The following DMD variants were observed in gnomAD, a reference collection of about 807,000 sequenced individuals.
DMD encodes the protein mutant dystrophin.
In DMD, 63 loss-of-function variants were observed where a neutral mutation model predicts 330.1. The ratio of observed to expected loss-of-function variants is 0.19; its 90% CI spans 0.16 to 0.24. The LOEUF (loss-of-function observed/expected upper bound fraction) is 0.24. Ranked by LOEUF, DMD falls within the 10% of genes least tolerant of loss-of-function variation. The probability of loss-of-function intolerance (pLI) is 1.00; values close to 1 mark genes in which losing one functional copy is unlikely to be tolerated. For synonymous variants in DMD, 1,223 were observed against 959.8 expected (o/e 1.27, Z -5.07); for missense variants, 3,344 against 2,684.1 (o/e 1.25, Z -5.43).
Position 32,362,970 on chromosome X carries a change from G to A in DMD, c.5155-12C>T, listed in dbSNP as rs377134035. The A allele has an allele frequency of 4.2e-6, 5 of 1,199,335 alleles. No homozygotes were observed. The African/African-American group carries it at 5.3e-5, about 13-fold the overall frequency. On this transcript the variant is annotated splice_polypyrimidine_tract_variant and intron_variant, in intron 36 of 78. Transcript: ENST00000357033. Reference sequence around the variant, plus strand: ...TCTGCCTTTAAACGCTATATTCCATGAGCAAGAGATAGGACTTGAAGTTAG... The same window carrying A: ...TCTGCCTTTAAACGCTATATTCCATAAGCAAGAGATAGGACTTGAAGTTAG...
At chrX:32,457,701 A>C (rs1253838266) in intron 25 of DMD, among the ~76,000 whole-genome samples, 1 of 54,027 alleles carries the variant, frequency 1.9e-5, no homozygotes, top group East Asian at 1.1e-3. Flanking sequence ...GTAAAACAAG[A>C]AGCTAGTTTT....
intron 2 of DMD, among the ~76,000 whole-genome samples, chrX:32,932,951 T>G (rs768887230): frequency 1.8e-5 from 2 of 111,810 alleles, no homozygotes; most frequent in South Asian, 7.5e-4. Context: ...TTTTTTCAGA[T>G]GTAGCCTCCT....
At chrX:32,685,166 G>A (rs1156565469) in intron 9 of DMD, among the ~76,000 whole-genome samples, 1 of 111,131 alleles carries the variant, frequency 9.0e-6, no homozygotes, top group African/African-American at 3.3e-5. Context: ...ACTTGTTCCT[G>A]AACTATTTGA....
chrX:32,749,453 G>A (rs1416955535), intron 7 of DMD, among the ~76,000 whole-genome samples: 1 of 111,948 alleles, frequency 8.9e-6, no homozygotes, highest in Non-Finnish European at 1.9e-5. Flanking sequence ...GTACAATAAT[G>A]ATATTATCCA....
At chrX:32,142,929 A>G (rs1234414111) in intron 44 of DMD, among the ~76,000 whole-genome samples, 2 of 111,797 alleles carry the variant, frequency 1.8e-5, no homozygotes, top group African/African-American at 6.5e-5. Context: ...ATTTTATCTG[A>G]ATTCCACAAA....
At chrX:32,536,413 G>C (rs1458724030) in intron 17 of DMD, among the ~76,000 whole-genome samples, 1 of 111,425 alleles carries the variant, frequency 9.0e-6, no homozygotes, top group Non-Finnish European at 1.9e-5. Flanking sequence ...ATCTTAGGCA[G>C]AGAAAACAGT....
At chrX:32,771,698 C>T (rs1030152340) in intron 7 of DMD, among the ~76,000 whole-genome samples, 5 of 111,382 alleles carry the variant, frequency 4.5e-5, no homozygotes, top group African/African-American at 9.8e-5. Flanking sequence ...CCAAAATATA[C>T]GAGTTTCTGT....
intron 50 of DMD, among the ~76,000 whole-genome samples, chrX:31,783,531 T>C (rs1057175134): frequency 1.8e-5 from 2 of 111,507 alleles, no homozygotes; most frequent in East Asian, 5.6e-4. Flanking sequence ...GAATCATCTT[T>C]TCCTTCCTCA....
At chrX:32,891,304 G>A (rs1477354384) in intron 2 of DMD, among the ~76,000 whole-genome samples, 1 of 111,698 alleles carries the variant, frequency 9.0e-6, no homozygotes, top group African/African-American at 3.3e-5. Context: ...CATATACAGA[G>A]GGCAGGTGAG....
At chrX:32,701,485 A>G (rs1230211702) in intron 7 of DMD, among the ~76,000 whole-genome samples, 1 of 111,638 alleles carries the variant, frequency 9.0e-6, no homozygotes, top group East Asian at 2.8e-4. Flanking sequence ...AAGCCTAGAA[A>G]TCTCCAATTC....
At chrX:33,329,404 T>C (rs1270545652) in intron 1 of DMD, among the ~76,000 whole-genome samples, 1 of 112,326 alleles carries the variant, frequency 8.9e-6, no homozygotes, top group Admixed American at 9.5e-5. Flanking sequence ...CTAATAATTC[T>C]ACTTCTTGGC....
At chrX:31,336,922 C>T (rs1382964019) in intron 61 of DMD, among the ~76,000 whole-genome samples, 2 of 95,332 alleles carry the variant, frequency 2.1e-5, no homozygotes, top group African/African-American at 7.6e-5. Flanking sequence ...TCTTTTCTTT[C>T]TTTCTTTTTT....
intron 11 of DMD, among the ~76,000 whole-genome samples, chrX:32,616,578 C>T (rs1201185031): frequency 9.2e-6 from 1 of 109,243 alleles, no homozygotes; most frequent in East Asian, 2.9e-4. Context: ...AGAGCGAGAC[C>T]GTGGAGTTTA....
intron 44 of DMD, among the ~76,000 whole-genome samples, chrX:32,034,286 A>C (rs932619560): frequency 1.8e-5 from 2 of 112,205 alleles, no homozygotes; most frequent in Non-Finnish European, 3.8e-5. Flanking sequence ...GAAACACTTC[A>C]AACAACAAAT....
intron 1 of DMD, among the ~76,000 whole-genome samples, chrX:33,045,580 C>CCAAGAGA (rs1056543070): frequency 2.7e-5 from 3 of 110,220 alleles, no homozygotes; most frequent in Non-Finnish European, 5.7e-5. Flanking sequence ...TAGGTGCCTA[C>CCAAGAGA]CAAGAGAAGA....
At chrX:32,755,316 GA>G (rs200263419) in intron 7 of DMD, among the ~76,000 whole-genome samples, 1 of 108,085 alleles carries the variant, frequency 9.3e-6, no homozygotes, top group Non-Finnish European at 1.9e-5. Flanking sequence ...TTCAGACAAG[GA>G]AAAAAAACAC....
intron 44 of DMD, among the ~76,000 whole-genome samples, chrX:32,148,145 G>A (rs2096787537): frequency 9.0e-6 from 1 of 110,531 alleles, no homozygotes; most frequent in South Asian, 3.8e-4. Flanking sequence ...CCAAAGTGCT[G>A]GGATTACAGG....
intron 76 of DMD, 63 bp downstream of exon 76, chrX:31,146,227 GT>G (rs1427154967): frequency 8.7e-7 from 1 of 1,151,752 alleles, no homozygotes; most frequent in Non-Finnish European, 1.2e-6. Context: ...AAATATTCAT[GT>G]CCCTGTAATA....
intron 2 of DMD, among the ~76,000 whole-genome samples, chrX:32,906,169 A>G (rs1177510060): frequency 1.8e-5 from 2 of 111,592 alleles, no homozygotes; most frequent in African/African-American, 3.3e-5. Flanking sequence ...GGTGTTTCTC[A>G]TTAATGGTGT....
Sources: gnomAD v4.1 joint callset for allele counts (sites outside exome capture counted in the v4.1 genomes callset) on GRCh38, gnomAD v4.1.1 for gene constraint, MANE v1.5 for transcripts, NCBI Gene and HGNC (gene_info 2026-07-23, HGNC 2026-07-21) for gene names.